The following IL1RAPL1 variants were observed in gnomAD, a reference collection of about 807,000 sequenced individuals.
IL1RAPL1 encodes the protein interleukin-1 receptor accessory protein-like 1.
Under a neutral mutation model 48.4 loss-of-function variants are expected in IL1RAPL1, and 3 were observed. The ratio of observed to expected loss-of-function variants is 0.06; its 90% CI spans 0.03 to 0.16. The LOEUF (loss-of-function observed/expected upper bound fraction) is 0.16, where lower values mean the gene tolerates loss of function less well. IL1RAPL1 is among the 10% of genes least tolerant of loss of function. IL1RAPL1 has a pLI of 1.00. For missense variants in IL1RAPL1, 349 were observed against 530.6 expected, an observed-to-expected ratio of 0.66 and a Z score of 3.36; for synonymous variants, 185 against 187.7, an observed-to-expected ratio of 0.99 and a Z score of 0.12.
At chrX:29,185,406 A>C (rs1402922426) in intron 2 of IL1RAPL1, among the ~76,000 whole-genome samples, 1 of 111,867 alleles carries the variant, frequency 8.9e-6, no homozygotes, top group Non-Finnish European at 1.9e-5. Flanking sequence ...TACCCATGCT[A>C]GGCCTCTGCT....
intron 1 of IL1RAPL1, among the ~76,000 whole-genome samples, chrX:28,609,660 CACAA>C (rs1198653873): frequency 9.3e-6 from 1 of 107,144 alleles, no homozygotes; most frequent in African/African-American, 3.5e-5. Context: ...CACACACACA[CACAA>C]CATACCTACC....
At chrX:28,836,339 T>C (rs1290504479) in intron 2 of IL1RAPL1, among the ~76,000 whole-genome samples, 2 of 26,445 alleles carry the variant, frequency 7.6e-5, no homozygotes, top group Middle Eastern at 0.017. Context: ...CCCAATTTTA[T>C]ATATATATAT....
intron 2 of IL1RAPL1, among the ~76,000 whole-genome samples, chrX:28,903,701 A>G (rs887666618): frequency 9.0e-6 from 1 of 111,058 alleles, no homozygotes; most frequent in Admixed American, 9.6e-5. Context: ...TTATGTTATC[A>G]GGACTAGGTA....
At chrX:29,885,177 G>A in intron 6 of IL1RAPL1, among the ~76,000 whole-genome samples, 1 of 111,601 alleles carries the variant, frequency 9.0e-6, no homozygotes, top group Non-Finnish European at 1.9e-5. Context: ...ATGAATGCCT[G>A]CAATAACACA....
chrX:29,217,368 G>T, intron 2 of IL1RAPL1, among the ~76,000 whole-genome samples: 1 of 112,230 alleles, frequency 8.9e-6, no homozygotes, highest in Non-Finnish European at 1.9e-5. Context: ...CCAAATATTT[G>T]CCAGGTAGTG....
chrX:28,858,421 C>T (rs772453568), intron 2 of IL1RAPL1, among the ~76,000 whole-genome samples: 12 of 111,745 alleles, frequency 1.1e-4, no homozygotes, highest in Non-Finnish European at 9.4e-5. Flanking sequence ...GTCAGTGCAG[C>T]AGACTTCATT....
intron 1 of IL1RAPL1, among the ~76,000 whole-genome samples, chrX:28,705,595 A>G (rs185959390): frequency 4.5e-4 from 50 of 112,172 alleles, no homozygotes; most frequent in Admixed American, 4.2e-3. Context: ...ATATAAATAT[A>G]GTGTACATTC....
At chrX:29,034,094 C>G (rs1455570765) in intron 2 of IL1RAPL1, among the ~76,000 whole-genome samples, 1 of 112,141 alleles carries the variant, frequency 8.9e-6, no homozygotes, top group African/African-American at 3.2e-5. Flanking sequence ...AAAGTGAACA[C>G]ACATGTCAAA....
chrX:28,994,801 G>A (rs1044865084), intron 2 of IL1RAPL1, among the ~76,000 whole-genome samples: 1 of 111,614 alleles, frequency 9.0e-6, no homozygotes, highest in Non-Finnish European at 1.9e-5. Context: ...AAAGAATGAG[G>A]ACTTAAGCAT....
intron 6 of IL1RAPL1, among the ~76,000 whole-genome samples, chrX:29,701,375 C>T (rs935125273): frequency 8.0e-5 from 9 of 112,165 alleles, no homozygotes; most frequent in African/African-American, 2.9e-4. Context: ...AGACCTACAA[C>T]AGTGTCAACA....
At chrX:29,350,926 T>C (rs748796525) in intron 3 of IL1RAPL1, among the ~76,000 whole-genome samples, 1 of 111,562 alleles carries the variant, frequency 9.0e-6, no homozygotes, top group African/African-American at 3.2e-5. Context: ...TGTATGAGGT[T>C]GTTGCACCTA....
chrX:29,535,894 A>G (rs1329671942), intron 5 of IL1RAPL1, among the ~76,000 whole-genome samples: 1 of 112,073 alleles, frequency 8.9e-6, no homozygotes, highest in Non-Finnish European at 1.9e-5. Flanking sequence ...GACTTTATAA[A>G]TGTGCATAGC....
At chrX:29,871,827 G>A (rs975213831) in intron 6 of IL1RAPL1, among the ~76,000 whole-genome samples, 2 of 110,967 alleles carry the variant, frequency 1.8e-5, no homozygotes, top group Non-Finnish European at 3.8e-5. Context: ...AGGTTCAAGC[G>A]ATTCTCCTGC....
At chrX:29,691,736 G>T (rs1302409852) in intron 6 of IL1RAPL1, among the ~76,000 whole-genome samples, 2 of 87,262 alleles carry the variant, frequency 2.3e-5, no homozygotes, top group African/African-American at 9.5e-5. Flanking sequence ...GGGCGACAGA[G>T]CGAGACTCCG....
intron 5 of IL1RAPL1, among the ~76,000 whole-genome samples, chrX:29,427,402 A>T (rs1934363562): frequency 8.9e-6 from 1 of 112,375 alleles, no homozygotes; most frequent in South Asian, 3.7e-4. Context: ...GATGAGTTTA[A>T]TTCTCACAAA....
At chrX:29,878,497 A>G (rs956649621) in intron 6 of IL1RAPL1, among the ~76,000 whole-genome samples, 1 of 112,082 alleles carries the variant, frequency 8.9e-6, no homozygotes. Flanking sequence ...AATGGAGCCA[A>G]TTATTTGTAT....
chrX:28,592,708 A>C (rs1933917707), intron 1 of IL1RAPL1, among the ~76,000 whole-genome samples: 1 of 111,920 alleles, frequency 8.9e-6, no homozygotes, highest in Admixed American at 9.5e-5. Flanking sequence ...TTAACCCTGT[A>C]ATAAATTAGT....
chrX:29,141,446 T>C (rs984112444), intron 2 of IL1RAPL1, among the ~76,000 whole-genome samples: 1 of 111,514 alleles, frequency 9.0e-6, no homozygotes, highest in Non-Finnish European at 1.9e-5. Context: ...TATGAACCAT[T>C]GATGGTGTTT....
chrX:29,359,083 C>T (rs910178792), intron 3 of IL1RAPL1, among the ~76,000 whole-genome samples: 1 of 110,983 alleles, frequency 9.0e-6, no homozygotes, highest in African/African-American at 3.3e-5. Flanking sequence ...GGCAAACATA[C>T]TCCAAAAGTT....
Sources: allele counts gnomAD v4.1 joint callset (sites outside exome capture counted in the v4.1 genomes callset), GRCh38; gene constraint gnomAD v4.1.1; transcripts MANE v1.5; gene names NCBI Gene and HGNC (gene_info 2026-07-23, HGNC 2026-07-21).